Variants in COL24A1 observed in about 807,000 individuals in gnomAD.
The protein encoded by COL24A1 is collagen alpha-1(XXIV) chain.
In COL24A1, 224 loss-of-function variants were observed where a neutral mutation model predicts 253.9. The ratio of observed to expected loss-of-function variants is 0.88; its 90% CI spans 0.79 to 0.99. COL24A1 has a LOEUF of 0.99. Among genes scored for constraint, COL24A1 ranks in the 50% least tolerant of loss-of-function variants. The pLI is 0.00. For missense variants in COL24A1, 2,131 were observed against 2,068.5 expected (o/e 1.03, Z -0.59); for synonymous variants, 685 against 673.7 (o/e 1.02, Z -0.26).
chr1:86,035,300 T>C (rs1168582778), intron 12 of COL24A1, among the ~76,000 whole-genome samples: 1 of 152,194 alleles, frequency 6.6e-6, no homozygotes, highest in African/African-American at 2.4e-5. Flanking sequence ...CTGCAATATA[T>C]TATCCTATTC....
chr1:85,844,520 G>A (rs908313194), intron 39 of COL24A1, among the ~76,000 whole-genome samples: 6 of 151,908 alleles, frequency 3.9e-5, no homozygotes, highest in African/African-American at 1.2e-4. Context: ...AGAAATTAGT[G>A]AATCAGAAAA....
chr1:85,959,968 T>C (rs1690853886), intron 24 of COL24A1, among the ~76,000 whole-genome samples: 1 of 152,152 alleles, frequency 6.6e-6, no homozygotes. Flanking sequence ...TAGAAGCCTT[T>C]AATAACCTAA....
At chr1:85,896,478 C>A in intron 28 of COL24A1, 69 bp from the exon 29 acceptor site, 1 of 1,291,288 alleles carries the variant, frequency 7.7e-7, no homozygotes, top group South Asian at 1.2e-5. Context: ...AGTTATGTGT[C>A]CTCACAGATG....
chr1:85,811,179 T>C (rs1672489953), intron 47 of COL24A1, among the ~76,000 whole-genome samples: 1 of 152,228 alleles, frequency 6.6e-6, no homozygotes, highest in Admixed American at 6.5e-5. Context: ...TTCCAATATA[T>C]TCCAAAAATA....
chr1:85,812,463 T>C (rs1672644292), intron 47 of COL24A1, among the ~76,000 whole-genome samples: 1 of 152,208 alleles, frequency 6.6e-6, no homozygotes, highest in Non-Finnish European at 1.5e-5. Flanking sequence ...TAAAGTGAAC[T>C]CTTTCCAGTA....
chr1:85,818,556 C>T (rs1315552617), intron 45 of COL24A1, among the ~76,000 whole-genome samples: 3 of 152,126 alleles, frequency 2.0e-5, no homozygotes, highest in Non-Finnish European at 1.5e-5. Context: ...CTAAAATGTG[C>T]TTTTCTGGAA....
intron 8 of COL24A1, among the ~76,000 whole-genome samples, chr1:86,060,675 C>T (rs138436355): frequency 1.8e-4 from 27 of 152,010 alleles, no homozygotes; most frequent in African/African-American, 4.6e-4. Context: ...ATTTGCTAAG[C>T]GTTTTACATC....
chr1:85,885,254 G>A (rs2102696520), intron 32 of COL24A1, among the ~76,000 whole-genome samples: 1 of 151,850 alleles, frequency 6.6e-6, no homozygotes, highest in East Asian at 1.9e-4. Flanking sequence ...AGGCTGGAGT[G>A]CAGTGGCGCG....
At chr1:85,854,442 A>G (rs1291514574) in intron 37 of COL24A1, among the ~76,000 whole-genome samples, 1 of 152,154 alleles carries the variant, frequency 6.6e-6, no homozygotes, top group Non-Finnish European at 1.5e-5. Flanking sequence ...TACTTTGGCT[A>G]CTTGGGCTCT....
intron 19 of COL24A1, among the ~76,000 whole-genome samples, chr1:86,004,103 C>T (rs1050467020): frequency 2.0e-5 from 3 of 152,120 alleles, no homozygotes; most frequent in African/African-American, 7.2e-5. Context: ...TCTGAAAGTT[C>T]CATTTGTCAG....
intron 5 of COL24A1, among the ~76,000 whole-genome samples, chr1:86,104,403 G>T (rs1419014091): frequency 6.6e-6 from 1 of 152,144 alleles, no homozygotes; most frequent in Non-Finnish European, 1.5e-5. Flanking sequence ...GCCCAGTTCA[G>T]AACCTTGCTG....
At chr1:86,050,532 G>A (rs1478141837) in intron 10 of COL24A1, among the ~76,000 whole-genome samples, 1 of 152,184 alleles carries the variant, frequency 6.6e-6, no homozygotes, top group East Asian at 1.9e-4. Flanking sequence ...AAGTACAGTG[G>A]AGGAAGAGAT....
chr1:86,058,053 T>C, intron 9 of COL24A1, 78 bp from the exon 10 acceptor site: 1 of 1,099,072 alleles, frequency 9.1e-7, no homozygotes, highest in Non-Finnish European at 1.3e-6. Flanking sequence ...AAAAAGGCCA[T>C]ATAAAGAGCT....
At chr1:86,154,807 G>A in intron 1 of COL24A1, 1 of 153,360 alleles carries the variant, frequency 6.5e-6, no homozygotes, top group East Asian at 1.9e-4. Context: ...GCCGCATGCG[G>A]AGGCTGGCTG....
At chr1:86,110,350 T>A (rs1391293805) in intron 5 of COL24A1, among the ~76,000 whole-genome samples, 1 of 110,894 alleles carries the variant, frequency 9.0e-6, no homozygotes, top group African/African-American at 3.0e-5. Context: ...CGTTTTCCTA[T>A]GTTCTTACTA....
At chr1:86,013,882 C>T (rs1339874499) in intron 19 of COL24A1, among the ~76,000 whole-genome samples, 3 of 151,968 alleles carry the variant, frequency 2.0e-5, no homozygotes, top group African/African-American at 7.2e-5. Flanking sequence ...CCAAAAATTA[C>T]CTTAACCAAC....
chr1:85,886,519 T>C lies in COL24A1; in HGVS notation c.2976+3041A>G, dbSNP rs11161701. Among the ~76,000 whole-genome samples the C allele has an allele frequency of 2.7e-4, 41 of 151,194 alleles. No individual in the cohort carries two copies. In the East Asian group the frequency reaches 5.8e-3, roughly 21 times the overall value. On this transcript the variant is annotated intron_variant, in intron 32 of 59. Coordinates refer to ENST00000370571, the MANE Select transcript of COL24A1 (RefSeq NM_152890.7). ...TCTCTACTAAAAATACAAAAAATTA[T>C]TGGGGCGTGGTGGCATGCACCTGTA...
At chr1:85,767,653 T>C (rs942943789) in intron 53 of COL24A1, among the ~76,000 whole-genome samples, 4 of 152,178 alleles carry the variant, frequency 2.6e-5, no homozygotes, top group Non-Finnish European at 1.5e-5. Context: ...CCTTTTTTTT[T>C]TTAAACAGCA....
chr1:86,012,522 G>C (rs928229898), intron 19 of COL24A1, among the ~76,000 whole-genome samples: 10 of 152,204 alleles, frequency 6.6e-5, no homozygotes, highest in African/African-American at 2.4e-4. Flanking sequence ...CCAGGAGGCG[G>C]AGGTTGCAGT....
Sources: allele counts gnomAD v4.1 joint callset (sites outside exome capture counted in the v4.1 genomes callset), GRCh38; gene constraint gnomAD v4.1.1; transcripts MANE v1.5; gene names NCBI Gene and HGNC (gene_info 2026-07-23, HGNC 2026-07-21).